Variants in NFKBIZ observed in about 807,000 individuals in gnomAD.
The protein encoded by NFKBIZ is NF-kappa-B inhibitor zeta.
A neutral mutation model predicts 76.8 loss-of-function variants in NFKBIZ; 19 were observed. The ratio of observed to expected loss-of-function variants is 0.25; its 90% CI spans 0.17 to 0.36. NFKBIZ has a LOEUF of 0.36. NFKBIZ is among the 10% of genes least tolerant of loss of function. The probability of loss-of-function intolerance (pLI) is 1.00; values close to 1 mark genes in which losing one functional copy is unlikely to be tolerated. For missense variants in NFKBIZ, 829 were observed against 910.9 expected (o/e 0.91, Z 1.16); for synonymous variants, 368 against 354.8 (o/e 1.04, Z -0.42).
At position 101,853,159 on chromosome 3, in the gene NFKBIZ, G is replaced by A. The variant is rs35489134; in HGVS notation, c.633G>A (p.Glu211=). The stretch of plus-strand genomic sequence containing the variant: ...TTCATCTCAATGAACCCAAACAGGA[G>A]AGCAGTGCTGATCTGCTTCAGAACA... The part of the protein sequence containing the change: ...EDVHLNEPKQ[E]SSADLLQNII... The change falls in exon 5 of 12, where the codon GAG becomes GAA. Residue 211 remains glutamate (E), a synonymous_variant. Coordinates refer to ENST00000326172, the MANE Select transcript of NFKBIZ (RefSeq NM_031419.4). The A allele has an allele frequency of 5.6e-6, 9 of 1,614,056 alleles. No individual in the cohort carries two copies. Among genetic ancestry groups the A allele is most frequent in the Non-Finnish European group, 5.9e-6 (7 of 1,180,052 alleles).
chr3:101,846,654 G>T (rs569764095), upstream of NFKBIZ, among the ~76,000 whole-genome samples: 15 of 152,260 alleles, frequency 9.9e-5, no homozygotes, highest in Non-Finnish European at 1.8e-4. Context: ...ACTTTCTACG[G>T]ATTTATTTGA....
Position 101,852,730 on chromosome 3 carries a change from C to G in NFKBIZ, c.430-8C>G. 6.3e-7 allele frequency: 1 copy of G among 1,597,596 alleles called. No individual in the cohort carries two copies. Among genetic ancestry groups the G allele is most frequent in the Non-Finnish European group, 8.5e-7 (1 of 1,174,498 alleles). On this transcript the variant is annotated splice_polypyrimidine_tract_variant and splice_region_variant and intron_variant, in intron 2 of 11. Coordinates refer to ENST00000326172, the MANE Select transcript of NFKBIZ (RefSeq NM_031419.4). ...TATACACTAAATTGGAAACTTTTTT[C>G]TTTATAGACACAAGGTGTGAACATA...
chr3:101,857,471 A>G lies in NFKBIZ; in HGVS notation c.2103+12A>G. The stretch of plus-strand genomic sequence containing the variant: ...CTGTGGGAGAACAGGTGAGAGGCAC[A>G]GGAGGGAGAGGAAGTATTTTTTGGC... On this transcript the variant is annotated intron_variant, in intron 11 of 11. Transcript: ENST00000326172. The G allele has an allele frequency of 6.2e-7, 1 of 1,613,380 alleles. No individual in the cohort carries two copies. Among genetic ancestry groups the G allele is most frequent in the Middle Eastern group, 1.8e-4 (1 of 5,488 alleles).
intron 11 of NFKBIZ, chr3:101,858,426 A>G (rs532983128): frequency 2.8e-5 from 28 of 985,424 alleles, no homozygotes; most frequent in Middle Eastern, 5.2e-4. Context: ...AACCATCATT[A>G]ACTTGTAAAA....
At chr3:101,854,446 G>T (rs997047487) in intron 5 of NFKBIZ, 132 bp from the exon 6 acceptor site, 3 of 613,084 alleles carry the variant, frequency 4.9e-6, no homozygotes. Flanking sequence ...GACAAATTAT[G>T]CTTTGTAATG....
chr3:101,849,448 C>G (rs922550509), upstream of NFKBIZ: 2 of 434,130 alleles, frequency 4.6e-6, no homozygotes, highest in Non-Finnish European at 7.5e-6. Context: ...ATGGCCGGGC[C>G]GGGCGCCGGG....
At chr3:101,829,211 C>G (rs548043488) in intron 1 of NFKBIZ, among the ~76,000 whole-genome samples, 1 of 152,314 alleles carries the variant, frequency 6.6e-6, no homozygotes, top group African/African-American at 2.4e-5. Flanking sequence ...CACAGTTGGG[C>G]AGGGTACAGG....
chr3:101,849,493 TG>T, upstream of NFKBIZ: 4 of 723,048 alleles, frequency 5.5e-6, no homozygotes, highest in Non-Finnish European at 7.6e-6. Context: ...TTAAATACCC[TG>T]GCAGTCCCGC....
chr3:101,851,922 G>C (rs1189371467), intron 1 of NFKBIZ, among the ~76,000 whole-genome samples, 163 bp from the exon 2 acceptor site: 1 of 152,206 alleles, frequency 6.6e-6, no homozygotes, highest in Non-Finnish European at 1.5e-5. Context: ...AGCAGAGCTC[G>C]GGACTCACAA....
chr3:101,849,991 T>G (rs959640744), intron 1 of NFKBIZ, 74 bp downstream of exon 1: 37 of 1,284,754 alleles, frequency 2.9e-5, no homozygotes, highest in East Asian at 6.3e-5. Context: ...ACTCCCCAGA[T>G]GGAGGGTGGC....
At position 101,853,587 on chromosome 3, in the gene NFKBIZ, C is replaced by G. The variant is rs777889601; in HGVS notation, c.1061C>G (p.Ala354Gly). The change falls in exon 5 of 12, where the codon GCT (alanine) becomes GGT (glycine). Residue 354 changes from alanine (A) to glycine (G), a missense_variant. By Grantham distance (60) the Ala-to-Gly change is moderately conservative. Coordinates refer to ENST00000326172, the MANE Select transcript of NFKBIZ (RefSeq NM_031419.4). ...GATCAAAGGGAATCTGAGAATATTG[C>G]TAATCCCATGCAGACTTCCTCCAGT... ...LGDQRESENI[A>G]NPMQTSSSVQ... 2.1e-5 allele frequency: 34 copies of G among 1,614,132 alleles called. No homozygotes were observed. In the Admixed American group the frequency reaches 2.5e-4, roughly 12 times the overall value.
Position 101,849,922 on chromosome 3 carries a change from C to T in NFKBIZ, c.289+5C>T. The T allele has an allele frequency of 7.1e-7, 1 of 1,413,230 alleles. No individual in the cohort carries two copies. The highest frequency in any genetic ancestry group is 9.2e-7 in the Non-Finnish European group (1 of 1,092,838). 87.5% of individuals were successfully genotyped at this position (1,413,230 alleles called of 1,614,324 possible). A position where few individuals can be genotyped will look rare whatever the true frequency, so the allele number is the denominator to read the frequency against. ...CCCGCGCCGAGCGCCAGCCAGGTAC[C>T]CGCCGGCCCCGCACCGCTGCGTACT... On this transcript the variant is annotated splice_donor_5th_base_variant and intron_variant, in intron 1 of 11. Coordinates refer to ENST00000326172, the MANE Select transcript of NFKBIZ (RefSeq NM_031419.4).
At position 101,860,955 on chromosome 3, in the gene NFKBIZ, G is replaced by A. The variant is rs1190933257; in HGVS notation, c.*1584G>A. 6.6e-6 allele frequency: 1 copy of A among 151,896 alleles called. No individual in the cohort carries two copies. The highest frequency in any genetic ancestry group is 2.4e-5 in the African/African-American group (1 of 41,332). 9.4% of individuals were successfully genotyped at this position (151,896 alleles called of 1,614,324 possible). Reference sequence around the variant, plus strand: ...ATAATCACCTTGTATCTCTAAATATGGTGTGATATGAACCAGTCCATTCAC... The same window carrying A: ...ATAATCACCTTGTATCTCTAAATATAGTGTGATATGAACCAGTCCATTCAC... On this transcript the variant is annotated 3_prime_UTR_variant, in exon 12 of 12. Coordinates refer to ENST00000326172, the MANE Select transcript of NFKBIZ (RefSeq NM_031419.4).
intron 2 of NFKBIZ, among the ~76,000 whole-genome samples, chr3:101,836,689 T>G (rs1942725111): frequency 6.6e-6 from 1 of 152,230 alleles, no homozygotes; most frequent in Admixed American, 6.5e-5. Context: ...AAGTAAAAAT[T>G]TGTTCTTTAA....
chr3:101,852,940 C>G lies in NFKBIZ; in HGVS notation c.515C>G (p.Ser172Cys). Reference sequence around the variant, plus strand: ...AAAAGGAAAGGGCCCGATTCGTTGTCTGATGGACCTGCTTGCAAAAGGCCA... The same window carrying G: ...AAAAGGAAAGGGCCCGATTCGTTGTGTGATGGACCTGCTTGCAAAAGGCCA... ...SGKRKGPDSLSDGPACKRPAL... is the reference protein window; with the variant it reads ...SGKRKGPDSLCDGPACKRPAL... Residue 172 changes from serine (S) to cysteine (C), a missense_variant, in exon 4 of 12, where the codon TCT (serine) becomes TGT (cysteine). Coordinates refer to ENST00000326172, the MANE Select transcript of NFKBIZ (RefSeq NM_031419.4). The G allele has an allele frequency of 1.2e-6, 2 of 1,614,218 alleles. No homozygotes were observed. The highest frequency in any genetic ancestry group is 1.7e-6 in the Non-Finnish European group (2 of 1,180,044).
intron 9 of NFKBIZ, chr3:101,856,123 T>C (rs2107421342): frequency 3.3e-6 from 1 of 298,542 alleles, no homozygotes; most frequent in East Asian, 6.5e-5. Flanking sequence ...CGATCTTGGC[T>C]CACTGCAACC....
chr3:101,850,139 G>A, intron 1 of NFKBIZ: 2 of 427,344 alleles, frequency 4.7e-6, no homozygotes, highest in Non-Finnish European at 8.1e-6. Context: ...GCGGGCCTCG[G>A]GGGGGCTTCA....
At chr3:101,835,734 G>A (rs1160273812) in intron 2 of NFKBIZ, among the ~76,000 whole-genome samples, 3 of 152,072 alleles carry the variant, frequency 2.0e-5, no homozygotes, top group Non-Finnish European at 4.4e-5. Context: ...CACATTCTGC[G>A]GTACTGGGGG....
chr3:101,849,641 A>G lies in NFKBIZ; in HGVS notation c.13A>G (p.Lys5Glu). MIVD[K>E]LLDDSRGGEG... is the part of the protein sequence containing the mutation. The stretch of plus-strand genomic sequence containing the variant: ...CCAGCCTGGGAGCATGATTGTGGAC[A>G]AGCTGCTGGACGACAGCCGCGGCGG... The change falls in exon 1 of 12, where the codon AAG becomes GAG. Residue 5 changes from lysine (K) to glutamate (E), a missense_variant. This residue lies in a region of NFKBIZ where 181 missense variants were observed against 175.3 expected (regional missense o/e 1.03). Coordinates refer to ENST00000326172, the MANE Select transcript of NFKBIZ (RefSeq NM_031419.4). 7.2e-7 allele frequency: 1 copy of G among 1,380,386 alleles called. No individual in the cohort carries two copies. The highest frequency in any genetic ancestry group is 9.3e-7 in the Non-Finnish European group (1 of 1,075,826). 85.5% of individuals were successfully genotyped at this position (1,380,386 alleles called of 1,614,324 possible).
Sources: gnomAD v4.1 joint callset for allele counts (sites outside exome capture counted in the v4.1 genomes callset) on GRCh38, gnomAD v4.1.1 for gene constraint, gnomAD v4.1.1 regional missense constraint, MANE v1.5 for transcripts, NCBI Gene and HGNC (gene_info 2026-07-23, HGNC 2026-07-21) for gene names.